Variants in RP1 observed in about 807,000 individuals in gnomAD.
The protein encoded by RP1 is oxygen-regulated protein 1.
Under a neutral mutation model 14.8 loss-of-function variants are expected in RP1, and 16 were observed. The observed-to-expected ratio is 1.08, with a 90% confidence interval of 0.73 to 1.65. RP1 has a LOEUF of 1.65. RP1 is among the 40% of genes most tolerant of loss of function. The pLI is 0.00. For missense variants in RP1, 2,631 were observed against 2,535.0 expected (o/e 1.04, Z -0.81); for synonymous variants, 876 against 883.6 (o/e 0.99, Z 0.15).
intron 3 of RP1, among the ~76,000 whole-genome samples, chr8:54,642,702 G>T (rs899613200): frequency 1.3e-5 from 2 of 152,054 alleles, no homozygotes; most frequent in Admixed American, 1.3e-4. Context: ...GTTTGGCGTC[G>T]TTCTGAGTAT....
At chr8:54,560,033 A>G (rs1804249643) in intron 1 of RP1, among the ~76,000 whole-genome samples, 1 of 152,202 alleles carries the variant, frequency 6.6e-6, no homozygotes, top group African/African-American at 2.4e-5. Context: ...TTAAGCCACA[A>G]ACATATTTGC....
chr8:54,778,958 C>A (rs1410753194), intron 23 of RP1, among the ~76,000 whole-genome samples: 1 of 152,036 alleles, frequency 6.6e-6, no homozygotes, highest in Admixed American at 6.6e-5. Context: ...TTATTTATTC[C>A]GACCTCTCCT....
intron 17 of RP1, among the ~76,000 whole-genome samples, chr8:54,733,126 G>A (rs1808831621): frequency 6.6e-6 from 1 of 152,144 alleles, no homozygotes; most frequent in African/African-American, 2.4e-5. Flanking sequence ...AGGTGAACAC[G>A]GAATGCCTAT....
At chr8:54,652,932 C>A in intron 5 of RP1, 1 of 1,087,078 alleles carries the variant, frequency 9.2e-7, no homozygotes, top group Non-Finnish European at 1.4e-6. Flanking sequence ...CAGGAGTCAA[C>A]TCATCATGCC....
chr8:54,678,509 A>G (rs1389817728), exon 9 of RP1: 2 of 1,534,108 alleles, frequency 1.3e-6, no homozygotes, highest in Non-Finnish European at 1.7e-6. Flanking sequence ...CCCACAACAA[A>G]TTACGAATAT....
chr8:54,864,706 C>T (rs568357388), intron 27 of RP1, among the ~76,000 whole-genome samples: 3 of 152,264 alleles, frequency 2.0e-5, no homozygotes, highest in Admixed American at 2.0e-4. Flanking sequence ...TTTTCTGTCC[C>T]ATAGTCAATT....
Position 54,627,145 on chromosome 8 carries a change from T to G in RP1, c.3263T>G (p.Leu1088Arg). 6.2e-7 allele frequency: 1 copy of G among 1,614,048 alleles called. No homozygotes were observed. Among genetic ancestry groups the G allele is most frequent in the Non-Finnish European group, 8.5e-7 (1 of 1,179,968 alleles). The change falls in exon 4 of 4, where the codon CTT (leucine) becomes CGT (arginine). Residue 1088 changes from leucine (L) to arginine (R), a missense_variant. Transcript: ENST00000220676. Reference sequence around the variant, plus strand: ...AAAGACCTCTTACCAGTCCTGATGCTTCACCAATTGCAAGCTTCAGTTCCT... The same window carrying G: ...AAAGACCTCTTACCAGTCCTGATGCGTCACCAATTGCAAGCTTCAGTTCCT... ...TPKDLLPVLM[L>R]HQLQASVPGI...
intron 5 of RP1, chr8:54,652,878 T>G (rs142116129): frequency 2.6e-6 from 4 of 1,523,332 alleles, no homozygotes; most frequent in Non-Finnish European, 3.5e-6. Flanking sequence ...TAAGGATATA[T>G]CAACACTTTC....
At chr8:54,860,868 T>C (rs936101459) in intron 27 of RP1, among the ~76,000 whole-genome samples, 7 of 152,186 alleles carry the variant, frequency 4.6e-5, no homozygotes, top group Admixed American at 4.6e-4. Context: ...CCTGGAAGAA[T>C]GTAAAAACCT....
At chr8:54,616,486 ACTT>A (rs1805719100) in intron 1 of RP1, among the ~76,000 whole-genome samples, 1 of 152,234 alleles carries the variant, frequency 6.6e-6, no homozygotes, top group African/African-American at 2.4e-5. Context: ...AGCATTATAT[ACTT>A]CTTATAGACA....
Position 54,574,958 on chromosome 8 carries a change from A to G in RP1, c.-13+15638A>G, listed in dbSNP as rs1158341397. Among the ~76,000 whole-genome samples the G allele has an allele frequency of 2.0e-5, 3 of 152,282 alleles. No individual in the cohort carries two copies. In the East Asian group the frequency reaches 5.8e-4, roughly 29 times the overall value. Reference sequence around the variant, plus strand: ...ATCAAGGGATTCCTCATTAAAGGCCATCTTTGGGGATATTTCTATATTTTA... The same window carrying G: ...ATCAAGGGATTCCTCATTAAAGGCCGTCTTTGGGGATATTTCTATATTTTA... On this transcript the variant is annotated intron_variant, in intron 1 of 22. Transcript: ENST00000636932.
rs1488334361 is a variant in RP1, at chr8:54,629,409, G to A, written c.5527G>A (p.Ala1843Thr). The A allele has an allele frequency of 6.2e-7, 1 of 1,614,072 alleles. No individual in the cohort carries two copies. Among genetic ancestry groups the A allele is most frequent in the Non-Finnish European group, 8.5e-7 (1 of 1,179,986 alleles). ...DLLDVRNETC[A>T]KERIANHHTE... ...GCTGGATGTTCGCAATGAAACCTGTGCCAAGGAAAGAATAGCAAATCATCA... is the reference window on the plus strand; with the variant it reads ...GCTGGATGTTCGCAATGAAACCTGTACCAAGGAAAGAATAGCAAATCATCA... Residue 1843 changes from alanine to threonine, a missense_variant, in exon 4 of 4, where the codon GCC becomes ACC. By Grantham distance (58) the Ala-to-Thr change is moderately conservative. Transcript: ENST00000220676.
intron 1 of RP1, among the ~76,000 whole-genome samples, chr8:54,565,455 C>A (rs1229626365): frequency 7.2e-5 from 11 of 152,304 alleles, no homozygotes; most frequent in Non-Finnish European, 1.2e-4. Context: ...ATCCCATGTA[C>A]TCAGGAGGCG....
chr8:54,793,037 A>G lies in RP1; in HGVS notation c.3615+9327A>G, dbSNP rs180811708. Reference sequence around the variant, plus strand: ...TCATACCACAGAAATACATAGGATCATAAGAGACTGCTATGAACTATTATG... The same window carrying G: ...TCATACCACAGAAATACATAGGATCGTAAGAGACTGCTATGAACTATTATG... On this transcript the variant is annotated intron_variant, in intron 24 of 28. Coordinates refer to the RP1 transcript ENST00000637698. 9.9e-5 allele frequency among the ~76,000 whole-genome samples: 15 copies of G among 151,986 alleles called. No individual in the cohort carries two copies. The East Asian group carries it at 2.7e-3, about 27-fold the overall frequency.
At chr8:54,764,436 A>G (rs775613914) in intron 22 of RP1, among the ~76,000 whole-genome samples, 1 of 152,218 alleles carries the variant, frequency 6.6e-6, no homozygotes, top group African/African-American at 2.4e-5. Context: ...TTGACAAAAG[A>G]TGCGTCACCT....
In RP1 at chr8:54,627,681, G is replaced by T; in HGVS notation, c.3799G>T (p.Ala1267Ser). 6.2e-7 allele frequency: 1 copy of T among 1,614,150 alleles called. No individual in the cohort carries two copies. Among genetic ancestry groups the T allele is most frequent in the Non-Finnish European group, 8.5e-7 (1 of 1,179,984 alleles). ...SPCEMCTVNK[A>S]YSPKETCNPS... ...ATGTGAGATGTGCACTGTAAATAAG[G>T]CTTATTCTCCAAAAGAGACATGTAA... Residue 1267 changes from alanine (A) to serine (S), a missense_variant, in exon 4 of 4, where the codon GCT (alanine) becomes TCT (serine). Coordinates refer to ENST00000220676, the MANE Select transcript of RP1 (RefSeq NM_006269.2).
intron 1 of RP1, among the ~76,000 whole-genome samples, chr8:54,577,434 A>C (rs573464382): frequency 2.3e-4 from 35 of 152,366 alleles, no homozygotes; most frequent in African/African-American, 8.2e-4. Context: ...TGTTGCTGTC[A>C]TATTTACTGA....
intron 6 of RP1, among the ~76,000 whole-genome samples, chr8:54,659,972 C>A (rs1305435644): frequency 2.6e-5 from 4 of 151,984 alleles, no homozygotes; most frequent in Non-Finnish European, 5.9e-5. Flanking sequence ...GTTTTTGGTG[C>A]TATTGTAAAT....
intron 24 of RP1, among the ~76,000 whole-genome samples, chr8:54,825,187 C>T (rs1285599628): frequency 6.6e-6 from 1 of 152,066 alleles, no homozygotes. Flanking sequence ...TCTTGATCTC[C>T]CGACCTCGTG....
Sources: gnomAD v4.1 joint callset for allele counts (sites outside exome capture counted in the v4.1 genomes callset) on GRCh38, gnomAD v4.1.1 for gene constraint, MANE v1.5 for transcripts, NCBI Gene and HGNC (gene_info 2026-07-23, HGNC 2026-07-21) for gene names.